The following THSD4 variants were observed in gnomAD, a reference collection of about 807,000 sequenced individuals.
THSD4 encodes thrombospondin type-1 domain-containing protein 4.
THSD4 carries 69 observed loss-of-function variants against 119.0 expected under a neutral mutation model. The observed-to-expected ratio is 0.58, with a 90% CI of 0.48 to 0.71. The LOEUF is 0.71. THSD4 is among the 30% of genes least tolerant of loss of function. THSD4 has a pLI of 0.00. For missense variants in THSD4, 1,393 were observed against 1,391.1 expected, an observed-to-expected ratio of 1.00 and a Z score of -0.02; for synonymous variants, 524 against 540.4, an observed-to-expected ratio of 0.97 and a Z score of 0.42.
chr15:71,545,427 C>T (rs899115871), intron 7 of THSD4, among the ~76,000 whole-genome samples: 5 of 152,234 alleles, frequency 3.3e-5, no homozygotes, highest in African/African-American at 9.6e-5. Flanking sequence ...AACACAGCTA[C>T]ACCCATTCAT....
intron 3 of THSD4, among the ~76,000 whole-genome samples, chr15:71,211,616 A>G (rs949505857): frequency 6.6e-6 from 1 of 152,138 alleles, no homozygotes; most frequent in Non-Finnish European, 1.5e-5. Flanking sequence ...TTTGGGCTTC[A>G]ATATATGAAT....
chr15:71,157,210 G>A (rs2040786851), intron 3 of THSD4, among the ~76,000 whole-genome samples: 1 of 152,136 alleles, frequency 6.6e-6, no homozygotes, highest in Admixed American at 6.6e-5. Context: ...TGATATGTGC[G>A]TAACCTGAAC....
chr15:71,728,446 C>CA (rs2052906618), intron 8 of THSD4, 103 bp from the exon 9 acceptor site: 1 of 1,416,704 alleles, frequency 7.1e-7, no homozygotes, highest in Non-Finnish European at 9.7e-7. Flanking sequence ...TGGATCCTGT[C>CA]AAAAACCTTG....
At chr15:71,543,181 T>C (rs1028739894) in intron 7 of THSD4, among the ~76,000 whole-genome samples, 2 of 152,126 alleles carry the variant, frequency 1.3e-5, no homozygotes, top group African/African-American at 4.8e-5. Flanking sequence ...ATGTAAGATG[T>C]TAACATTGTG....
intron 4 of THSD4, among the ~76,000 whole-genome samples, chr15:71,218,655 A>G (rs1015094185): frequency 1.3e-5 from 2 of 152,234 alleles, no homozygotes; most frequent in Non-Finnish European, 2.9e-5. Flanking sequence ...CCGGCTGATG[A>G]AAATCACATT....
At chr15:71,569,821 C>G (rs2049315817) in intron 7 of THSD4, among the ~76,000 whole-genome samples, 1 of 152,212 alleles carries the variant, frequency 6.6e-6, no homozygotes, top group South Asian at 2.1e-4. Flanking sequence ...TGGTGAAACC[C>G]TATCTCTACT....
At chr15:71,372,439 A>T (rs1391133393) in intron 6 of THSD4, among the ~76,000 whole-genome samples, 2 of 152,148 alleles carry the variant, frequency 1.3e-5, no homozygotes, top group East Asian at 3.9e-4. Context: ...GATGATGGTG[A>T]CGTACAGATG....
chr15:71,572,517 G>A (rs1448824631), intron 7 of THSD4, among the ~76,000 whole-genome samples: 1 of 152,136 alleles, frequency 6.6e-6, no homozygotes, highest in Non-Finnish European at 1.5e-5. Context: ...CTGGCTCTAG[G>A]GTAAAGAAAG....
chr15:71,528,597 A>G (rs1286310188), intron 7 of THSD4, among the ~76,000 whole-genome samples: 1 of 152,246 alleles, frequency 6.6e-6, no homozygotes, highest in Non-Finnish European at 1.5e-5. Context: ...AGGCATCCTT[A>G]TAGAGGAGGC....
Position 71,668,695 on chromosome 15 carries a change from C to CT in THSD4, c.1357+7962dup, listed in dbSNP as rs570526042. ...GCAGCTTGCTGACTGGTACCCCACTCTCTGACTCTGTAGAACTTAGCCTTT... is the reference window on the plus strand; with the variant it reads ...GCAGCTTGCTGACTGGTACCCCACTCTTCTGACTCTGTAGAACTTAGCCTTT... On this transcript the variant is annotated intron_variant, in intron 8 of 17. Coordinates refer to ENST00000261862, the MANE Select transcript of THSD4 (RefSeq NM_024817.3). Among the ~76,000 whole-genome samples the CT allele has an allele frequency of 4.0e-3, 608 of 152,326 alleles. 5 individuals are homozygous for CT. The highest frequency in any genetic ancestry group is 0.014 in the African/African-American group (573 of 41,586).
chr15:71,671,331 G>A (rs1406270650), intron 8 of THSD4, among the ~76,000 whole-genome samples: 2 of 152,110 alleles, frequency 1.3e-5, no homozygotes, highest in African/African-American at 4.8e-5. Flanking sequence ...TGATGGAGTT[G>A]TTTGATTTTT....
chr15:71,411,854 A>G, intron 7 of THSD4, 31 bp downstream of exon 7: 1 of 1,612,590 alleles, frequency 6.2e-7, no homozygotes, highest in Non-Finnish European at 8.5e-7. Context: ...GTGAATTCTT[A>G]AGGTGTTTGA....
chr15:71,630,434 C>A (rs1395706682), intron 7 of THSD4, among the ~76,000 whole-genome samples: 1 of 152,068 alleles, frequency 6.6e-6, no homozygotes, highest in Admixed American at 6.5e-5. Context: ...TATATTTTAC[C>A]CCCAATTTTG....
At chr15:71,676,650 C>G (rs1238674606) in intron 8 of THSD4, among the ~76,000 whole-genome samples, 1 of 152,142 alleles carries the variant, frequency 6.6e-6, no homozygotes, top group Admixed American at 6.5e-5. Flanking sequence ...GTCCTCCAAG[C>G]CCCTGGTAAC....
chr15:71,672,252 T>A (rs1037137152), intron 8 of THSD4, among the ~76,000 whole-genome samples: 1 of 152,208 alleles, frequency 6.6e-6, no homozygotes, highest in African/African-American at 2.4e-5. Flanking sequence ...GAAGCAATTG[T>A]GAATGGGAGT....
At chr15:71,111,857 T>G (rs147445710), upstream of THSD4, 7 of 534,128 alleles carry the variant, frequency 1.3e-5, no homozygotes, top group South Asian at 9.2e-5. Flanking sequence ...TTTTTCAAAG[T>G]GCAATTTTCA....
At position 71,135,392 on chromosome 15, in the gene THSD4, CAA is replaced by C. The variant is rs1170278742; in HGVS notation, c.-79-6042_-79-6041del. On this transcript the variant is annotated intron_variant, in intron 1 of 17. Coordinates refer to ENST00000261862, the MANE Select transcript of THSD4 (RefSeq NM_024817.3). The stretch of plus-strand genomic sequence containing the variant: ...AAAAAAAAAGAAACTTACTAAATGA[CAA>C]AAAAAAAAAAAAAAGAAGAAGCTTC... Among the ~76,000 whole-genome samples, 7 of 122,482 alleles carry C rather than the reference CAA, an allele frequency of 5.7e-5. 1 individual carries two copies. Among genetic ancestry groups the C allele is most frequent in the South Asian group, 5.4e-4 (2 of 3,692 alleles). The allele number at this position is 122,482 out of a possible 152,430, so 80.4% of individuals were successfully genotyped here.
At chr15:71,382,848 G>A (rs1419240384) in intron 6 of THSD4, among the ~76,000 whole-genome samples, 5 of 152,080 alleles carry the variant, frequency 3.3e-5, no homozygotes, top group African/African-American at 4.8e-5. Context: ...ATTAAAAAAT[G>A]CAGAAGTATA....
chr15:71,660,400 AC>A, intron 7 of THSD4, 129 bp from the exon 8 acceptor site: 1 of 1,084,534 alleles, frequency 9.2e-7, no homozygotes, highest in Non-Finnish European at 1.4e-6. Context: ...TGTGGCTCCC[AC>A]CCCACTCCTA....
Sources: allele counts gnomAD v4.1 joint callset (sites outside exome capture counted in the v4.1 genomes callset), GRCh38; gene constraint gnomAD v4.1.1; transcripts MANE v1.5; gene names NCBI Gene and HGNC (gene_info 2026-07-23, HGNC 2026-07-21).